Variants in SMYD3 observed in about 807,000 individuals in gnomAD.
SMYD3 encodes the protein SET and MYND domain containing 3.
A neutral mutation model predicts 57.7 loss-of-function variants in SMYD3; 36 were observed. That is an observed-to-expected ratio of 0.62 (90% confidence interval 0.48 to 0.82). The LOEUF is 0.82. SMYD3 is among the 40% of genes least tolerant of loss of function. The probability of loss-of-function intolerance (pLI) is 0.00; values close to 1 mark genes in which losing one functional copy is unlikely to be tolerated. For synonymous variants in SMYD3, 211 were observed against 195.0 expected (o/e 1.08, Z -0.68); for missense variants, 515 against 538.8 (o/e 0.96, Z 0.44).
rs111885738 is a variant in SMYD3, at chr1:245,974,509, C to T, written c.532-44572G>A. Reference sequence around the variant, plus strand: ...CCAGGGAAAGCCATCGTCTCCGGCCCAGGGAAAGCCATCGTCTCCGGCCCA... The same window carrying T: ...CCAGGGAAAGCCATCGTCTCCGGCCTAGGGAAAGCCATCGTCTCCGGCCCA... On this transcript the variant is annotated intron_variant, in intron 5 of 11. Coordinates refer to ENST00000490107, the MANE Select transcript of SMYD3 (RefSeq NM_001167740.2). 2.9e-3 allele frequency among the ~76,000 whole-genome samples: 387 copies of T among 133,756 alleles called. 2 individuals carry two copies. Among genetic ancestry groups the T allele is most frequent in the Middle Eastern group, 0.018 (4 of 218 alleles). The allele number at this position is 133,756 out of a possible 152,430, so 87.7% of individuals were successfully genotyped here.
chr1:246,099,729 G>A (rs2060976618), intron 5 of SMYD3, among the ~76,000 whole-genome samples: 1 of 152,078 alleles, frequency 6.6e-6, no homozygotes, highest in African/African-American at 2.4e-5. Context: ...CATATTCAAG[G>A]GTTTCATGAA....
chr1:245,820,655 G>C (rs370611853), intron 10 of SMYD3, among the ~76,000 whole-genome samples: 41 of 152,110 alleles, frequency 2.7e-4, no homozygotes, highest in African/African-American at 7.0e-4. Context: ...CCCATCGTCT[G>C]AGCCCAAAAT....
intron 5 of SMYD3, among the ~76,000 whole-genome samples, chr1:246,294,739 C>G (rs533905934): frequency 2.7e-4 from 41 of 152,276 alleles, no homozygotes; most frequent in African/African-American, 9.4e-4. Flanking sequence ...ACTGGAATTA[C>G]AGGCACCCAC....
chr1:245,821,421 T>C (rs1342779872), intron 10 of SMYD3, among the ~76,000 whole-genome samples: 4 of 150,502 alleles, frequency 2.7e-5, no homozygotes, highest in Non-Finnish European at 5.9e-5. Flanking sequence ...ACTTAAATGT[T>C]AGACCTAAAA....
At chr1:246,449,371 G>A (rs796255972) in intron 1 of SMYD3, among the ~76,000 whole-genome samples, 6 of 152,246 alleles carry the variant, frequency 3.9e-5, no homozygotes, top group African/African-American at 1.4e-4. Context: ...ACTCATTTGG[G>A]TAGACCTCAT....
intron 8 of SMYD3, among the ~76,000 whole-genome samples, chr1:245,906,528 T>C (rs1400062278): frequency 6.6e-6 from 1 of 152,154 alleles, no homozygotes; most frequent in Non-Finnish European, 1.5e-5. Context: ...AGGGAACCCT[T>C]GTACACTGTT....
At chr1:246,333,380 A>G (rs2065491449) in intron 3 of SMYD3, among the ~76,000 whole-genome samples, 1 of 152,236 alleles carries the variant, frequency 6.6e-6, no homozygotes, top group Non-Finnish European at 1.5e-5. Context: ...AAGCAACTGC[A>G]ACAAAAACAA....
rs1318760111 is a variant in SMYD3 at position 246,012,020 on chromosome 1, G to A, written c.532-82083C>T. 2.6e-5 allele frequency among the ~76,000 whole-genome samples: 4 copies of A among 151,970 alleles called. No individual in the cohort carries two copies. The South Asian group carries it at 8.4e-4, about 32-fold the overall frequency. On this transcript the variant is annotated intron_variant, in intron 5 of 11. Transcript: ENST00000490107. The stretch of plus-strand genomic sequence containing the variant: ...TGATACCAGCTACCAATTGCTTGCT[G>A]GTACTGGCTGTCAATATCATTATCC...
intron 11 of SMYD3, among the ~76,000 whole-genome samples, chr1:245,753,843 G>T (rs1350293352): frequency 6.6e-6 from 1 of 152,248 alleles, no homozygotes; most frequent in Non-Finnish European, 1.5e-5. Context: ...GCATGTCAGA[G>T]AGGACAATTC....
intron 5 of SMYD3, among the ~76,000 whole-genome samples, chr1:246,172,652 C>A (rs1293166240): frequency 6.7e-6 from 1 of 148,798 alleles, no homozygotes; most frequent in African/African-American, 2.5e-5. Flanking sequence ...CTGTACTCTA[C>A]TGTAGACTTT....
At position 246,236,803 on chromosome 1, in the gene SMYD3, T is replaced by C. The variant is rs74227137; in HGVS notation, c.531+90398A>G. On this transcript the variant is annotated intron_variant, in intron 5 of 11. Coordinates refer to ENST00000490107, the MANE Select transcript of SMYD3 (RefSeq NM_001167740.2). ...CTGGGACTACAGGTGTGAGCCACCA[T>C]GCCCAGCCAACCATACATTTAAAGG... Among the ~76,000 whole-genome samples the C allele has an allele frequency of 0.021, 3,125 of 152,246 alleles. 227 individuals are homozygous for C. In the East Asian group the frequency reaches 0.24, roughly 12 times the overall value.
At chr1:245,832,702 AG>A (rs1321455126) in intron 10 of SMYD3, among the ~76,000 whole-genome samples, 1 of 152,194 alleles carries the variant, frequency 6.6e-6, no homozygotes, top group East Asian at 1.9e-4. Context: ...ATGGAATCTT[AG>A]AGGGACAAGT....
intron 1 of SMYD3, among the ~76,000 whole-genome samples, chr1:246,402,018 G>A (rs6704000): frequency 0.12 from 17,557 of 152,172 alleles, 2,043 homozygotes; most frequent in East Asian, 0.32. Context: ...CGCCGTGCCT[G>A]GCCTCAAATA....
chr1:246,493,514 A>G (rs2068303571), intron 1 of SMYD3, among the ~76,000 whole-genome samples: 1 of 152,170 alleles, frequency 6.6e-6, no homozygotes, highest in Non-Finnish European at 1.5e-5. Context: ...CTATTAACCC[A>G]TTTATGGAGG....
chr1:246,006,838 A>C (rs944220663), intron 5 of SMYD3, among the ~76,000 whole-genome samples: 1 of 152,082 alleles, frequency 6.6e-6, no homozygotes, highest in Non-Finnish European at 1.5e-5. Flanking sequence ...GCTATTGAAG[A>C]CTCCATAACA....
At chr1:246,493,352 C>T (rs531212392) in intron 1 of SMYD3, among the ~76,000 whole-genome samples, 19 of 152,090 alleles carry the variant, frequency 1.2e-4, no homozygotes, top group Admixed American at 1.0e-3. Flanking sequence ...GCAGCTGTAG[C>T]AAATACATAA....
At chr1:246,474,337 G>T (rs2067999681) in intron 1 of SMYD3, among the ~76,000 whole-genome samples, 1 of 152,084 alleles carries the variant, frequency 6.6e-6, no homozygotes, top group South Asian at 2.1e-4. Flanking sequence ...GGCTAACACG[G>T]TGAAATCCTG....
At chr1:245,921,526 A>G (rs1294053241) in intron 7 of SMYD3, among the ~76,000 whole-genome samples, 1 of 139,382 alleles carries the variant, frequency 7.2e-6, no homozygotes, top group African/African-American at 2.7e-5. Context: ...AGTGCCCATC[A>G]ACAGTGAGCT....
intron 5 of SMYD3, 186 bp from the exon 6 acceptor site, chr1:245,930,123 A>C: frequency 1.6e-6 from 1 of 635,744 alleles, no homozygotes. Context: ...CCCCCTAAAA[A>C]CATCAGGTGG....
Sources: allele counts gnomAD v4.1 joint callset (sites outside exome capture counted in the v4.1 genomes callset), GRCh38; gene constraint gnomAD v4.1.1; transcripts MANE v1.5; gene names NCBI Gene and HGNC (gene_info 2026-07-23, HGNC 2026-07-21).